LRP1B: variants seen among roughly 807,000 people sequenced by gnomAD.
The protein encoded by LRP1B is low-density lipoprotein receptor-related protein 1B.
In LRP1B, 217 loss-of-function variants were observed where a neutral mutation model predicts 556.6. That is an observed-to-expected ratio of 0.39 (90% CI 0.35 to 0.44). The LOEUF (loss-of-function observed/expected upper bound fraction) is 0.44. Ranked by LOEUF, LRP1B falls within the 20% of genes least tolerant of loss-of-function variation. The pLI is 1.00. For synonymous variants in LRP1B, 2,047 were observed against 1,865.8 expected (o/e 1.10, Z -2.50); for missense variants, 5,053 against 5,620.8 (o/e 0.90, Z 3.23).
chr2:141,336,892 T>A (rs891121370), intron 3 of LRP1B, among the ~76,000 whole-genome samples: 1 of 152,186 alleles, frequency 6.6e-6, no homozygotes, highest in African/African-American at 2.4e-5. Flanking sequence ...TTACTTTTAT[T>A]TGTTGAGTAG....
intron 7 of LRP1B, among the ~76,000 whole-genome samples, chr2:141,100,271 C>T (rs980205923): frequency 6.6e-6 from 1 of 152,166 alleles, no homozygotes; most frequent in Admixed American, 6.5e-5. Context: ...AATAAATACT[C>T]AATAATCTCA....
chr2:141,103,637 A>G (rs1700524178), intron 7 of LRP1B, among the ~76,000 whole-genome samples: 2 of 151,504 alleles, frequency 1.3e-5, no homozygotes. Flanking sequence ...AATAGACAAC[A>G]TTTTTGAATC....
intron 7 of LRP1B, among the ~76,000 whole-genome samples, chr2:141,087,722 C>G (rs953646084): frequency 6.6e-6 from 1 of 152,096 alleles, no homozygotes; most frequent in Non-Finnish European, 1.5e-5. Flanking sequence ...GCATGATGCT[C>G]GAGTGGAAAC....
At chr2:140,419,870 T>G (rs1341877218) in intron 66 of LRP1B, among the ~76,000 whole-genome samples, 1 of 152,032 alleles carries the variant, frequency 6.6e-6, no homozygotes, top group Non-Finnish European at 1.5e-5. Flanking sequence ...TAGTCCTGCA[T>G]GGTGGCACAT....
chr2:141,499,598 A>G (rs1025722692), intron 2 of LRP1B, among the ~76,000 whole-genome samples: 2 of 152,084 alleles, frequency 1.3e-5, no homozygotes, highest in Admixed American at 6.6e-5. Context: ...GCAACATGTC[A>G]TAATCATCAG....
rs752488302 is a variant in LRP1B, at chr2:140,950,364, C to G, written c.3007G>C (p.Val1003Leu). 5 of 1,611,830 alleles carry G rather than the reference C, an allele frequency of 3.1e-6. No homozygotes were observed. Among genetic ancestry groups the G allele is most frequent in the Non-Finnish European group, 4.2e-6 (5 of 1,179,022 alleles). ...CGDGSDEVGC[V>L]HSCFDNQFRC... Reference sequence around the variant, plus strand: ...AACTGATTATCAAAGCAAGAGTGAACACAGCCCACCTCATCACTCCCGTCC... The same window carrying G: ...AACTGATTATCAAAGCAAGAGTGAAGACAGCCCACCTCATCACTCCCGTCC... Residue 1003 changes from valine to leucine, a missense_variant, in exon 20 of 91, where the codon GTT becomes CTT. By Grantham distance (32) the Val-to-Leu change is conservative. Coordinates refer to ENST00000389484, the MANE Select transcript of LRP1B (RefSeq NM_018557.3).
At chr2:141,417,089 C>T (rs990742325) in intron 3 of LRP1B, among the ~76,000 whole-genome samples, 1 of 152,062 alleles carries the variant, frequency 6.6e-6, no homozygotes, top group African/African-American at 2.4e-5. Flanking sequence ...TATATTGTTT[C>T]CTATCTTTAC....
At chr2:141,561,109 T>C (rs1387826148) in intron 2 of LRP1B, among the ~76,000 whole-genome samples, 2 of 151,670 alleles carry the variant, frequency 1.3e-5, no homozygotes, top group Non-Finnish European at 3.0e-5. Context: ...ATGAGGGAAA[T>C]TATATTTTAA....
chr2:140,715,876 G>T (rs2105460666), intron 37 of LRP1B, 97 bp downstream of exon 37: 3 of 990,362 alleles, frequency 3.0e-6, no homozygotes, highest in Non-Finnish European at 4.3e-6. Flanking sequence ...TCTTGATTTT[G>T]TCTCAGACAT....
intron 65 of LRP1B, 150 bp downstream of exon 65, chr2:140,444,180 T>G: frequency 1.3e-6 from 1 of 743,350 alleles, no homozygotes; most frequent in African/African-American, 1.8e-5. Context: ...TTAGAGCTTC[T>G]ATCCCAGTTG....
chr2:140,630,871 T>A (rs919282277), intron 41 of LRP1B, among the ~76,000 whole-genome samples: 1 of 152,096 alleles, frequency 6.6e-6, no homozygotes, highest in Non-Finnish European at 1.5e-5. Flanking sequence ...GAGGAAAACT[T>A]GTGAAGGTCA....
chr2:140,559,320 T>G (rs906160345), intron 43 of LRP1B, among the ~76,000 whole-genome samples: 1 of 152,134 alleles, frequency 6.6e-6, no homozygotes, highest in African/African-American at 2.4e-5. Flanking sequence ...ATGGACTTTA[T>G]CTGGATCCCA....
At chr2:141,591,847 T>C (rs1291364040) in intron 2 of LRP1B, among the ~76,000 whole-genome samples, 4 of 149,286 alleles carry the variant, frequency 2.7e-5, no homozygotes, top group Non-Finnish European at 6.0e-5. Context: ...CCAGCTGTTA[T>C]TTAGCCAGCT....
intron 8 of LRP1B, among the ~76,000 whole-genome samples, chr2:141,060,802 A>C (rs1387123968): frequency 6.6e-6 from 1 of 151,704 alleles, no homozygotes; most frequent in African/African-American, 2.4e-5. Flanking sequence ...AGAAGCCTGG[A>C]GCAGTAGGTA....
intron 86 of LRP1B, among the ~76,000 whole-genome samples, chr2:140,262,509 C>T (rs1430954670): frequency 6.6e-6 from 1 of 152,144 alleles, no homozygotes; most frequent in African/African-American, 2.4e-5. Flanking sequence ...AAGTCTGAAT[C>T]CAGAACTTGT....
intron 7 of LRP1B, among the ~76,000 whole-genome samples, chr2:141,081,902 G>A (rs6754954): frequency 0.24 from 36,639 of 151,966 alleles, 4,978 homozygotes; most frequent in East Asian, 0.44. Flanking sequence ...CTGAATCTGT[G>A]GAGAGCTCTT....
At chr2:141,992,887 T>C (rs1286110514) in intron 1 of LRP1B, among the ~76,000 whole-genome samples, 1 of 152,186 alleles carries the variant, frequency 6.6e-6, no homozygotes, top group African/African-American at 2.4e-5. Flanking sequence ...TTGCTGACTA[T>C]ATCCTAAATC....
At chr2:140,672,799 T>A (rs952203185) in intron 41 of LRP1B, among the ~76,000 whole-genome samples, 2 of 152,218 alleles carry the variant, frequency 1.3e-5, no homozygotes, top group Non-Finnish European at 2.9e-5. Flanking sequence ...CGTTGTGTCT[T>A]CTTGTATGTC....
chr2:141,196,066 G>A (rs113180176), intron 6 of LRP1B, among the ~76,000 whole-genome samples: 7 of 152,184 alleles, frequency 4.6e-5, no homozygotes, highest in African/African-American at 1.7e-4. Flanking sequence ...ATATGAGGTA[G>A]CAAAGATAGG....
Sources: allele counts gnomAD v4.1 joint callset (sites outside exome capture counted in the v4.1 genomes callset), GRCh38; gene constraint gnomAD v4.1.1; transcripts MANE v1.5; gene names NCBI Gene and HGNC (gene_info 2026-07-23, HGNC 2026-07-21).